The following KSR1 variants were observed in gnomAD, a reference collection of about 807,000 sequenced individuals.
The protein encoded by KSR1 is kinase suppressor of ras 1, also known as kinase suppressor of ras.
In KSR1, 35 loss-of-function variants were observed where a neutral mutation model predicts 92.9. The ratio of observed to expected loss-of-function variants is 0.38; its 90% CI spans 0.29 to 0.50. The LOEUF (loss-of-function observed/expected upper bound fraction) is 0.50. Ranked by LOEUF, KSR1 falls within the 20% of genes least tolerant of loss-of-function variation. The pLI is 0.94. For missense variants in KSR1, 972 were observed against 1,158.5 expected (o/e 0.84, Z 2.34); for synonymous variants, 467 against 472.6 (o/e 0.99, Z 0.15).
chr17:27,480,618 C>T (rs117062976), intron 1 of KSR1, among the ~76,000 whole-genome samples: 2,915 of 152,276 alleles, frequency 0.019, 44 homozygotes, highest in Non-Finnish European at 0.026. Flanking sequence ...GACTGGTTCT[C>T]AAACTCCTGA....
intron 12 of KSR1, 129 bp downstream of exon 12, chr17:27,604,017 T>C: frequency 6.5e-6 from 6 of 921,268 alleles, no homozygotes; most frequent in Non-Finnish European, 1.0e-5. Flanking sequence ...CCTGGGCTCA[T>C]TCACCCTCTG....
At position 27,555,598 on chromosome 17, in the gene KSR1, C is replaced by CT. The variant is rs2071565795; in HGVS notation, c.372+4891dup. ...ACACTACAGTATGCTTCAGCCCCCT[C>CT]TGTTTTTTACTAACCCCACTTCTAG... On this transcript the variant is annotated intron_variant, in intron 2 of 20. Transcript: ENST00000644974. 2.6e-5 allele frequency among the ~76,000 whole-genome samples: 4 copies of CT among 152,244 alleles called. No homozygotes were observed. The South Asian group carries it at 8.3e-4, about 32-fold the overall frequency.
intron 1 of KSR1, among the ~76,000 whole-genome samples, chr17:27,486,171 T>G (rs1440189955): frequency 6.6e-6 from 1 of 152,262 alleles, no homozygotes; most frequent in Non-Finnish European, 1.5e-5. Context: ...CCTGCTTTCT[T>G]AACTTCCCCT....
intron 1 of KSR1, among the ~76,000 whole-genome samples, chr17:27,538,759 T>G (rs929547749): frequency 6.6e-6 from 1 of 152,062 alleles, no homozygotes; most frequent in Non-Finnish European, 1.5e-5. Flanking sequence ...CTCCACAGGG[T>G]GTGGCGGTTC....
At chr17:27,616,263 ATTTGGTTCTTCT>A (rs2074051855) in intron 18 of KSR1, among the ~76,000 whole-genome samples, 1 of 152,136 alleles carries the variant, frequency 6.6e-6, no homozygotes, top group Non-Finnish European at 1.5e-5. Flanking sequence ...ATTAGACAGA[ATTTGGTTCTTCT>A]TAGTGAGCCT....
intron 1 of KSR1, among the ~76,000 whole-genome samples, chr17:27,514,669 A>G (rs1036304185): frequency 1.8e-4 from 28 of 152,030 alleles, no homozygotes; most frequent in Non-Finnish European, 3.7e-4. Flanking sequence ...TCAAAAAAAA[A>G]AAAAAAGAAA....
chr17:27,517,032 T>C (rs2069825279), intron 1 of KSR1, among the ~76,000 whole-genome samples: 1 of 152,210 alleles, frequency 6.6e-6, no homozygotes, highest in South Asian at 2.1e-4. Context: ...TAAAATAGAT[T>C]TCTTTGATAT....
At chr17:27,463,189 G>T (rs2019530057) in intron 1 of KSR1, among the ~76,000 whole-genome samples, 1 of 152,172 alleles carries the variant, frequency 6.6e-6, no homozygotes, top group South Asian at 2.1e-4. Context: ...CACTGCATCT[G>T]TAATCACACT....
intron 1 of KSR1, among the ~76,000 whole-genome samples, chr17:27,535,716 G>C (rs1316251330): frequency 1.3e-5 from 2 of 152,232 alleles, no homozygotes; most frequent in African/African-American, 2.4e-5. Context: ...AGATGGGAAG[G>C]AATCTTTGCT....
At chr17:27,521,852 G>A (rs1016683149) in intron 1 of KSR1, among the ~76,000 whole-genome samples, 1 of 152,216 alleles carries the variant, frequency 6.6e-6, no homozygotes, top group Non-Finnish European at 1.5e-5. Context: ...GGAAAGGCAG[G>A]CAGTTGGAAT....
At chr17:27,489,852 C>T (rs1429982949) in intron 1 of KSR1, among the ~76,000 whole-genome samples, 11 of 152,092 alleles carry the variant, frequency 7.2e-5, no homozygotes, top group Non-Finnish European at 1.3e-4. Context: ...CTGGGAGGTC[C>T]GCAGGGAGAA....
intron 1 of KSR1, among the ~76,000 whole-genome samples, chr17:27,538,883 G>C (rs1257085434): frequency 6.6e-6 from 1 of 152,184 alleles, no homozygotes; most frequent in East Asian, 1.9e-4. Context: ...CCTTTTCTGT[G>C]ATGGCCTGAG....
intron 9 of KSR1, among the ~76,000 whole-genome samples, chr17:27,593,891 G>A (rs1047645951): frequency 2.0e-5 from 3 of 152,162 alleles, no homozygotes; most frequent in Non-Finnish European, 2.9e-5. Flanking sequence ...GATGTCACTC[G>A]TGCCGCATCC....
intron 2 of KSR1, among the ~76,000 whole-genome samples, chr17:27,554,590 A>G (rs1200137726): frequency 6.6e-6 from 1 of 151,856 alleles, no homozygotes; most frequent in Non-Finnish European, 1.5e-5. Flanking sequence ...GTCTCCCATC[A>G]CCCCCAGATT....
At chr17:27,492,715 A>G (rs1471967886) in intron 1 of KSR1, among the ~76,000 whole-genome samples, 1 of 152,210 alleles carries the variant, frequency 6.6e-6, no homozygotes, top group Non-Finnish European at 1.5e-5. Context: ...CTGGCCACCA[A>G]GCAGACCTGT....
Position 27,623,590 on chromosome 17 carries a change from C to A in KSR1, c.*198C>A. 1 of 633,168 alleles carries A rather than the reference C, an allele frequency of 1.6e-6. No individual in the cohort carries two copies. Among genetic ancestry groups the A allele is most frequent in the Non-Finnish European group, 2.8e-6 (1 of 356,756 alleles). The allele number at this position is 633,168 out of a possible 1,614,324, so 39.2% of individuals were successfully genotyped here. On this transcript the variant is annotated 3_prime_UTR_variant, in exon 21 of 21. Coordinates refer to ENST00000644974, the MANE Select transcript of KSR1 (RefSeq NM_001394583.1). The stretch of plus-strand genomic sequence containing the variant: ...CTGCTATTTCTTAAAATGACACCAC[C>A]AACAACCAAACCTGTCATGACAGAC...
At chr17:27,500,858 C>T (rs1196468275) in intron 1 of KSR1, among the ~76,000 whole-genome samples, 1 of 152,182 alleles carries the variant, frequency 6.6e-6, no homozygotes, top group African/African-American at 2.4e-5. Flanking sequence ...AGGCCTTGCA[C>T]CAGCCCCTTT....
At chr17:27,522,650 G>A (rs1334264017) in intron 1 of KSR1, among the ~76,000 whole-genome samples, 1 of 152,166 alleles carries the variant, frequency 6.6e-6, no homozygotes, top group African/African-American at 2.4e-5. Flanking sequence ...TATTGGAGAG[G>A]GCTTGAGTGA....
At chr17:27,589,215 T>C (rs1459370172) in intron 6 of KSR1, among the ~76,000 whole-genome samples, 1 of 152,220 alleles carries the variant, frequency 6.6e-6, no homozygotes, top group East Asian at 1.9e-4. Context: ...TCCCAAATCC[T>C]GTGAGGCTTA....
Sources: allele counts gnomAD v4.1 joint callset (sites outside exome capture counted in the v4.1 genomes callset), GRCh38; gene constraint gnomAD v4.1.1; transcripts MANE v1.5; gene names NCBI Gene and HGNC (gene_info 2026-07-23, HGNC 2026-07-21).